Variants in ZNF654 observed in about 807,000 individuals in gnomAD.
ZNF654 encodes the protein melanoma-associated antigen.
ZNF654 carries 19 observed loss-of-function variants against 95.3 expected under a neutral mutation model. The ratio of observed to expected loss-of-function variants is 0.20; its 90% CI spans 0.14 to 0.29. ZNF654 has a LOEUF of 0.29. Ranked by LOEUF, ZNF654 falls within the 10% of genes least tolerant of loss-of-function variation. The pLI is 1.00. For synonymous variants in ZNF654, 413 were observed against 457.9 expected (o/e 0.90, Z 1.25); for missense variants, 1,046 against 1,341.0 (o/e 0.78, Z 3.44).
intron 1 of ZNF654, among the ~76,000 whole-genome samples, chr3:88,084,262 C>T (rs1341422514): frequency 6.6e-6 from 1 of 152,134 alleles, no homozygotes; most frequent in East Asian, 1.9e-4. Context: ...AGGAGATAAA[C>T]CCAACCCATA....
Position 88,139,508 on chromosome 3 carries a change from C to T in ZNF654, c.1839C>T (p.Val613=), listed in dbSNP as rs1045631981. Residue 613 remains valine, a synonymous_variant, in exon 8 of 9, where the codon GTC becomes GTT. Transcript: ENST00000636215. The part of the protein sequence containing the change: ...IAAAQQDDQE[V]TALEEINCSS... ...CAGCTCAACAGGATGATCAGGAAGTCACTGCTTTGGAAGAAATAAATTGTT... is the reference window on the plus strand; with the variant it reads ...CAGCTCAACAGGATGATCAGGAAGTTACTGCTTTGGAAGAAATAAATTGTT... The T allele has an allele frequency of 1.2e-6, 2 of 1,613,394 alleles. No individual in the cohort carries two copies. The highest frequency in any genetic ancestry group is 1.7e-6 in the Non-Finnish European group (2 of 1,179,672).
chr3:88,069,669 T>C (rs1388652994), intron 1 of ZNF654, among the ~76,000 whole-genome samples: 2 of 152,216 alleles, frequency 1.3e-5, no homozygotes, highest in African/African-American at 4.8e-5. Context: ...CTTTCAGTTA[T>C]TTTTGTATTC....
chr3:88,096,251 T>A (rs1409571127), intron 2 of ZNF654, among the ~76,000 whole-genome samples: 1 of 151,920 alleles, frequency 6.6e-6, no homozygotes, highest in African/African-American at 2.4e-5. Context: ...ACCTGAACAT[T>A]GGCAATTGTG....
Position 88,086,352 on chromosome 3 carries a change from A to G in ZNF654, c.282A>G (p.Ser94=). The change falls in exon 2 of 9, where the codon TCA becomes TCG. Residue 94 remains serine (S), a synonymous_variant. Transcript: ENST00000636215. ...GTTGTTTTACAACAGCCAGTGCATC[A>G]TTCCCAGATGAATGTGAGCATGTAC... The part of the protein sequence containing the change: ...ALCCFTTASA[S]FPDECEHVQY... 6.5e-7 allele frequency: 1 copy of G among 1,535,682 alleles called. No homozygotes were observed. The highest frequency in any genetic ancestry group is 1.2e-5 in the South Asian group (1 of 84,046).
rs2107662160 is a variant in ZNF654, at chr3:88,086,382, T to C, written c.312T>C (p.Tyr104=). The C allele has an allele frequency of 2.6e-6, 4 of 1,533,322 alleles. No homozygotes were observed. The highest frequency in any genetic ancestry group is 1.4e-5 in the African/African-American group (1 of 73,112). 95.0% of individuals were successfully genotyped at this position (1,533,322 alleles called of 1,614,324 possible). The part of the protein sequence containing the change: ...SFPDECEHVQ[Y]VLSSLAVSFF... ...CAGATGAATGTGAGCATGTACAATA[T>C]GTTTTGAGTAGCCTTGCTGTGTAAG... Residue 104 remains tyrosine (Y), a synonymous_variant, in exon 2 of 9, where the codon TAT becomes TAC. Transcript: ENST00000636215.
chr3:88,077,584 T>G (rs1257410326), intron 1 of ZNF654, among the ~76,000 whole-genome samples: 4 of 152,142 alleles, frequency 2.6e-5, no homozygotes, highest in African/African-American at 9.7e-5. Context: ...AATATACCCA[T>G]GAAAAACTTG....
At chr3:88,077,528 G>A (rs1707877979) in intron 1 of ZNF654, among the ~76,000 whole-genome samples, 1 of 151,698 alleles carries the variant, frequency 6.6e-6, no homozygotes, top group South Asian at 2.1e-4. Context: ...GTAGAGACGG[G>A]GTTTCCCTGT....
chr3:88,118,574 T>C (rs1705556707), intron 3 of ZNF654, among the ~76,000 whole-genome samples: 1 of 152,148 alleles, frequency 6.6e-6, no homozygotes. Context: ...CCTCAAAACC[T>C]GGACCATGGC....
chr3:88,069,851 A>G (rs1707409187), intron 1 of ZNF654, among the ~76,000 whole-genome samples: 1 of 152,176 alleles, frequency 6.6e-6, no homozygotes, highest in Non-Finnish European at 1.5e-5. Context: ...GCAGGAGAGT[A>G]TGGGATGTGT....
intron 1 of ZNF654, among the ~76,000 whole-genome samples, chr3:88,078,625 A>C (rs1162705937): frequency 6.6e-6 from 1 of 152,148 alleles, no homozygotes; most frequent in East Asian, 1.9e-4. Flanking sequence ...GGAGCTCTTC[A>C]TCTCTAGCCA....
intron 1 of ZNF654, among the ~76,000 whole-genome samples, chr3:88,072,835 C>A (rs1226096392): frequency 6.6e-6 from 1 of 152,114 alleles, no homozygotes; most frequent in Non-Finnish European, 1.5e-5. Flanking sequence ...TATAAATAAA[C>A]CCTAAAATAG....
At chr3:88,072,529 T>G (rs1350740319) in intron 1 of ZNF654, among the ~76,000 whole-genome samples, 1 of 152,174 alleles carries the variant, frequency 6.6e-6, no homozygotes. Flanking sequence ...TGGCTTTTGT[T>G]TTGTCTGCCA....
intron 3 of ZNF654, among the ~76,000 whole-genome samples, chr3:88,121,287 T>C (rs1277331148): frequency 1.3e-5 from 2 of 152,162 alleles, no homozygotes; most frequent in Non-Finnish European, 2.9e-5. Flanking sequence ...TAAAAACTCA[T>C]TAAAATGTTC....
intron 1 of ZNF654, among the ~76,000 whole-genome samples, chr3:88,071,804 CA>C (rs1394876489): frequency 2.0e-5 from 3 of 149,524 alleles, no homozygotes; most frequent in Admixed American, 6.6e-5. Flanking sequence ...GACTCCGTCT[CA>C]AAAAAAAAAT....
intron 3 of ZNF654, among the ~76,000 whole-genome samples, chr3:88,124,867 G>T: frequency 6.6e-6 from 1 of 151,084 alleles, no homozygotes; most frequent in South Asian, 2.1e-4. Flanking sequence ...ACTTTTACTA[G>T]ATATTCAGTT....
At chr3:88,120,789 A>G (rs1254260857) in intron 3 of ZNF654, among the ~76,000 whole-genome samples, 3 of 120,230 alleles carry the variant, frequency 2.5e-5, no homozygotes, top group Non-Finnish European at 5.5e-5. Flanking sequence ...TTTTAAATTC[A>G]ACAGTATAAA....
At position 88,140,302 on chromosome 3, in the gene ZNF654, C is replaced by T; in HGVS notation, c.2633C>T (p.Ala878Val). 1 of 1,613,714 alleles carries T rather than the reference C, an allele frequency of 6.2e-7. No individual in the cohort carries two copies. ...HYLSKTPESS[A>V]QPSETILWDV... ...TTAAGTAAAACACCAGAGTCATCTG[C>T]ACAACCAAGTGAAACAATTCTTTGG... Residue 878 changes from alanine to valine, a missense_variant, in exon 8 of 9, where the codon GCA becomes GTA. Ala to Val is a moderately conservative substitution (Grantham distance 64). Transcript: ENST00000636215.
At chr3:88,091,829 CTGTGAT>C (rs1708647678) in intron 2 of ZNF654, among the ~76,000 whole-genome samples, 1 of 152,168 alleles carries the variant, frequency 6.6e-6, no homozygotes, top group African/African-American at 2.4e-5. Flanking sequence ...TCGCCTTCTG[CTGTGAT>C]TGTGAGGCCT....
At chr3:88,094,905 G>A (rs1420309661) in intron 2 of ZNF654, among the ~76,000 whole-genome samples, 3 of 151,944 alleles carry the variant, frequency 2.0e-5, no homozygotes, top group Non-Finnish European at 2.9e-5. Context: ...TACATGAAAT[G>A]CTTCTGTAAT....
Sources: gnomAD v4.1 joint callset for allele counts (sites outside exome capture counted in the v4.1 genomes callset) on GRCh38, gnomAD v4.1.1 for gene constraint, MANE v1.5 for transcripts, NCBI Gene and HGNC (gene_info 2026-07-23, HGNC 2026-07-21) for gene names.